SH2D7: variants seen among roughly 807,000 people sequenced by gnomAD.
SH2D7 encodes the protein SH2 domain containing 7, also known as SH2 domain-containing protein 7.
In SH2D7, 32 loss-of-function variants were observed where a neutral mutation model predicts 40.8. That is an observed-to-expected ratio of 0.78 (90% CI 0.59 to 1.05). The LOEUF (loss-of-function observed/expected upper bound fraction) is 1.05. Among genes scored for constraint, SH2D7 ranks in the 50% least tolerant of loss-of-function variants. SH2D7 has a pLI of 0.00. For synonymous variants in SH2D7, 195 were observed against 221.5 expected, an observed-to-expected ratio of 0.88 and a Z score of 1.06; for missense variants, 559 against 566.6, an observed-to-expected ratio of 0.99 and a Z score of 0.14.
intron 2 of SH2D7, among the ~76,000 whole-genome samples, chr15:78,094,421 C>T (rs189235602): frequency 3.3e-5 from 5 of 152,220 alleles, no homozygotes; most frequent in South Asian, 2.1e-4. Flanking sequence ...GAGTGGGGTT[C>T]GGGGAGGCTT....
chr15:78,098,179 C>G, intron 3 of SH2D7, 85 bp downstream of exon 3: 1 of 1,470,626 alleles, frequency 6.8e-7, no homozygotes. Flanking sequence ...TACTCCTTTT[C>G]AAGCCCTCCC....
At chr15:78,100,766 C>T (rs1466138084) in intron 4 of SH2D7, 133 bp from the exon 5 acceptor site, 2 of 947,650 alleles carry the variant, frequency 2.1e-6, no homozygotes, top group African/African-American at 3.3e-5. Context: ...TGTCATGTAT[C>T]CAACCCTTGC....
chr15:78,096,882 C>T (rs190509700), intron 2 of SH2D7, among the ~76,000 whole-genome samples: 2 of 152,250 alleles, frequency 1.3e-5, no homozygotes, highest in East Asian at 3.9e-4. Flanking sequence ...CAACTCTACT[C>T]CTTGGTATAT....
At position 78,098,558 on chromosome 15, in the gene SH2D7, G is replaced by C; in HGVS notation, c.607G>C (p.Val203Leu). 6.2e-7 allele frequency: 1 copy of C among 1,613,990 alleles called. No individual in the cohort carries two copies. The highest frequency in any genetic ancestry group is 1.1e-5 in the South Asian group (1 of 91,062). ...CCTCCATGCACAGAAAAGCCTGGATGTGAGTCCCCGGAACCTCTCCCAGGA... is the reference window on the plus strand; with the variant it reads ...CCTCCATGCACAGAAAAGCCTGGATCTGAGTCCCCGGAACCTCTCCCAGGA... ...SFLHAQKSLD[V>L]SPRNLSQEES... The change falls in exon 4 of 6, where the codon GTG (valine) becomes CTG (leucine). Residue 203 changes from valine to leucine, a missense_variant. Val to Leu is a conservative substitution (Grantham distance 32). Transcript: ENST00000328828.
At chr15:78,092,810 G>A (rs1221227210) in intron 1 of SH2D7, 50 bp downstream of exon 1, 2 of 1,538,536 alleles carry the variant, frequency 1.3e-6, no homozygotes, top group South Asian at 2.4e-5. Context: ...GCCCCTTGGG[G>A]CTGAGAAAAT....
At chr15:78,092,791 T>C (rs2141868299) in intron 1 of SH2D7, 31 bp downstream of exon 1, 2 of 1,589,056 alleles carry the variant, frequency 1.3e-6, no homozygotes, top group Non-Finnish European at 1.7e-6. Flanking sequence ...AGGTCCCTCA[T>C]AGCCCACAGC....
intron 5 of SH2D7, among the ~76,000 whole-genome samples, chr15:78,101,881 C>T (rs1434578294): frequency 1.3e-5 from 2 of 152,162 alleles, no homozygotes; most frequent in African/African-American, 4.8e-5. Context: ...CCCCTTTGCT[C>T]CTACTCCCTC....
chr15:78,099,660 C>A (rs942832529), intron 4 of SH2D7, among the ~76,000 whole-genome samples: 8 of 151,990 alleles, frequency 5.3e-5, no homozygotes, highest in Non-Finnish European at 7.4e-5. Context: ...TCACAGCATG[C>A]CAACAGCTTC....
In SH2D7 at chr15:78,098,032, C is replaced by T. The variant is rs1275159779; in HGVS notation, c.370C>T (p.His124Tyr). ...QSHSTLAELV[H>Y]HYQEAQLEPF... is the part of the protein sequence containing the mutation. ...CCACAGCACCCTGGCTGAGCTTGTG[C>T]ACCATTACCAGGAGGCACAGCTCGA... The change falls in exon 3 of 6, where the codon CAC becomes TAC. Residue 124 changes from histidine (H) to tyrosine (Y), a missense_variant. By Grantham distance (83) the His-to-Tyr change is moderately conservative. Coordinates refer to ENST00000328828, the MANE Select transcript of SH2D7 (RefSeq NM_001101404.2). 5.0e-6 allele frequency: 8 copies of T among 1,613,860 alleles called. No homozygotes were observed. Among genetic ancestry groups the T allele is most frequent in the African/African-American group, 1.3e-5 (1 of 74,928 alleles).
chr15:78,103,760 G>T lies in SH2D7; in HGVS notation c.*245G>T. The T allele has an allele frequency of 5.7e-6, 3 of 524,526 alleles. No homozygotes were observed. Among genetic ancestry groups the T allele is most frequent in the Non-Finnish European group, 1.0e-5 (3 of 292,596 alleles). The allele number at this position is 524,526 out of a possible 1,614,324, so 32.5% of individuals were successfully genotyped here. The stretch of plus-strand genomic sequence containing the variant: ...TTGTGCCTCCCATCCATGCACAGGA[G>T]GGACTGGAGAGGAATGAGATTGGCC... On this transcript the variant is annotated 3_prime_UTR_variant, in exon 6 of 6. Transcript: ENST00000328828.
chr15:78,096,289 A>T (rs765313558), intron 2 of SH2D7, among the ~76,000 whole-genome samples: 6 of 152,206 alleles, frequency 3.9e-5, no homozygotes, highest in Non-Finnish European at 8.8e-5. Context: ...TCCTACAAAT[A>T]AATAAGCAAA....
At position 78,103,092 on chromosome 15, in the gene SH2D7, T is replaced by C. The variant is rs149839590; in HGVS notation, c.1306-373T>C. On this transcript the variant is annotated intron_variant, in intron 5 of 5. Coordinates refer to ENST00000328828, the MANE Select transcript of SH2D7 (RefSeq NM_001101404.2). ...TGCGGCTGCCCCATGTCCTCTCCCA[T>C]CTCTGTGGGCCTGGGTACAGCTTCA... Among the ~76,000 whole-genome samples, 54 of 152,058 alleles carry C rather than the reference T, an allele frequency of 3.6e-4. No individual in the cohort carries two copies. In the East Asian group the frequency reaches 9.1e-3, roughly 26 times the overall value.
chr15:78,090,711 A>T (rs1306613474), upstream of SH2D7, among the ~76,000 whole-genome samples: 1 of 152,074 alleles, frequency 6.6e-6, no homozygotes, highest in Non-Finnish European at 1.5e-5. Flanking sequence ...ACACTGTTCT[A>T]AGGATTTAAC....
chr15:78,103,902 G>C lies in SH2D7; in HGVS notation c.*387G>C. 1 of 185,096 alleles carries C rather than the reference G, an allele frequency of 5.4e-6. No homozygotes were observed. Among genetic ancestry groups the C allele is most frequent in the Non-Finnish European group, 1.1e-5 (1 of 88,864 alleles). 11.5% of individuals were successfully genotyped at this position (185,096 alleles called of 1,614,324 possible). A position where few individuals can be genotyped will look rare whatever the true frequency, so the allele number is the denominator to read the frequency against. ...CGAATGTGTGGCAGGCTGTGTGCTA[G>C]CACAGACACCTTTCTAACTGGCCAA... On this transcript the variant is annotated 3_prime_UTR_variant, in exon 6 of 6. Coordinates refer to ENST00000328828, the MANE Select transcript of SH2D7 (RefSeq NM_001101404.2).
At position 78,092,631 on chromosome 15, in the gene SH2D7, G is replaced by C. The variant is rs1223831617; in HGVS notation, c.47G>C (p.Gly16Ala). ...CTCAGCCTGGGGAGAGATCCTGAGG[G>C]GGCAGGGGACAGCCAGGCCCTGGCT... ...KQLSLGRDPE[G>A]AGDSQALAEL... The change falls in exon 1 of 6, where the codon GGG becomes GCG. Residue 16 changes from glycine (G) to alanine (A), a missense_variant. Physicochemically the swap from Gly to Ala is moderately conservative, Grantham distance 60. Coordinates refer to ENST00000328828, the MANE Select transcript of SH2D7 (RefSeq NM_001101404.2). 5 of 1,557,168 alleles carry C rather than the reference G, an allele frequency of 3.2e-6. No individual in the cohort carries two copies. The highest frequency in any genetic ancestry group is 4.3e-6 in the Non-Finnish European group (5 of 1,150,334).
upstream of SH2D7, among the ~76,000 whole-genome samples, chr15:78,090,684 T>C (rs1483846216): frequency 6.6e-6 from 1 of 152,106 alleles, no homozygotes; most frequent in Non-Finnish European, 1.5e-5. Flanking sequence ...CTAATCCTAG[T>C]CACTATGTTA....
chr15:78,094,339 C>G, intron 2 of SH2D7, 138 bp downstream of exon 2: 1 of 733,200 alleles, frequency 1.4e-6, no homozygotes, highest in Non-Finnish European at 2.3e-6. Flanking sequence ...TCATCCATCA[C>G]ATGCTCAGCA....
chr15:78,099,972 A>T (rs1276318032), intron 4 of SH2D7, among the ~76,000 whole-genome samples: 1 of 152,084 alleles, frequency 6.6e-6, no homozygotes, highest in African/African-American at 2.4e-5. Flanking sequence ...ATGACAGAAA[A>T]TGTTGCCTTC....
chr15:78,090,943 C>T (rs1240889756), upstream of SH2D7, among the ~76,000 whole-genome samples: 3 of 152,144 alleles, frequency 2.0e-5, no homozygotes, highest in Non-Finnish European at 4.4e-5. Context: ...CTCAACCCAC[C>T]AACCAGATCA....
Sources: gnomAD v4.1 joint callset for allele counts (sites outside exome capture counted in the v4.1 genomes callset) on GRCh38, gnomAD v4.1.1 for gene constraint, MANE v1.5 for transcripts, NCBI Gene and HGNC (gene_info 2026-07-23, HGNC 2026-07-21) for gene names.